ZMYND8: variants seen among roughly 807,000 people sequenced by gnomAD.
ZMYND8 encodes the protein zinc finger MYND-type containing 8.
Under a neutral mutation model 140.8 loss-of-function variants are expected in ZMYND8, and 37 were observed. The ratio of observed to expected loss-of-function variants is 0.26; its 90% confidence interval spans 0.20 to 0.35. The LOEUF is 0.35. Among genes scored for constraint, ZMYND8 ranks in the 10% least tolerant of loss-of-function variants. The probability of loss-of-function intolerance (pLI) is 1.00; values close to 1 mark genes in which losing one functional copy is unlikely to be tolerated. For missense variants in ZMYND8, 1,068 were observed against 1,570.0 expected (o/e 0.68, Z 5.40); for synonymous variants, 592 against 597.1 (o/e 0.99, Z 0.12).
chr20:47,319,426 A>T, intron 2 of ZMYND8: 1 of 222,302 alleles, frequency 4.5e-6, no homozygotes, highest in Non-Finnish European at 9.2e-6. Flanking sequence ...GTTGTTTTTA[A>T]CATTTTTAGT....
At chr20:47,213,943 T>C (rs2035673031) in intron 21 of ZMYND8, among the ~76,000 whole-genome samples, 1 of 152,232 alleles carries the variant, frequency 6.6e-6, no homozygotes, top group Non-Finnish European at 1.5e-5. Flanking sequence ...TGCACTATTT[T>C]ATTCTCTGCA....
intron 2 of ZMYND8, among the ~76,000 whole-genome samples, chr20:47,312,191 T>C (rs1041104257): frequency 2.0e-5 from 3 of 152,172 alleles, no homozygotes; most frequent in Non-Finnish European, 4.4e-5. Context: ...TGTCTCCCTG[T>C]CTGTAGGAGG....
At chr20:47,272,640 A>C (rs959313876) in intron 11 of ZMYND8, among the ~76,000 whole-genome samples, 1 of 152,224 alleles carries the variant, frequency 6.6e-6, no homozygotes, top group African/African-American at 2.4e-5. Context: ...TGAGTTAAAG[A>C]CTTCTGGCTG....
At position 47,224,503 on chromosome 20, in the gene ZMYND8, T is replaced by G; in HGVS notation, c.3070A>C (p.Ile1024Leu). ...QSLEQERDRL[I>L]AEVKKQLELE... The stretch of plus-strand genomic sequence containing the variant: ...TCCAGCTGCTTCTTCACCTCGGCGA[T>G]GAGCCGGTCCCGCTCCTGCTCCAGG... Residue 1024 changes from isoleucine to leucine, a missense_variant, in exon 19 of 23, where the codon ATC becomes CTC. Around this residue, in one of 10 missense-constraint regions of ZMYND8, gnomAD observed 87 missense variants for 151.1 expected, o/e 0.58. Transcript: ENST00000471951. The G allele has an allele frequency of 6.2e-7, 1 of 1,614,202 alleles. No homozygotes were observed. The highest frequency in any genetic ancestry group is 8.5e-7 in the Non-Finnish European group (1 of 1,180,048).
intron 12 of ZMYND8, among the ~76,000 whole-genome samples, chr20:47,249,857 A>C (rs1015530497): frequency 6.6e-6 from 1 of 152,178 alleles, no homozygotes; most frequent in Non-Finnish European, 1.5e-5. Context: ...ATTGAAGAGG[A>C]CTTGTATCCA....
At chr20:47,216,191 T>G (rs534583148) in intron 21 of ZMYND8, among the ~76,000 whole-genome samples, 1 of 151,702 alleles carries the variant, frequency 6.6e-6, no homozygotes, top group South Asian at 2.1e-4. Flanking sequence ...AACAAAAAAC[T>G]TGGGTCACAA....
rs547823208 is a variant in ZMYND8 at position 47,292,096 on chromosome 20, C to T, written c.568-208G>A. On this transcript the variant is annotated intron_variant, in intron 5 of 22. Transcript: ENST00000471951. ...TGATAATTATAAGCCCAATTGTGAT[C>T]CAATTTTATTCTTGGTTTTCAATAC... Among the ~76,000 whole-genome samples, 29 of 152,222 alleles carry T rather than the reference C, an allele frequency of 1.9e-4. No individual in the cohort carries two copies. The South Asian group carries it at 5.6e-3, about 29-fold the overall frequency.
At position 47,305,292 on chromosome 20, in the gene ZMYND8, G is replaced by T. The variant is rs376634429; in HGVS notation, c.234+4764C>A. On this transcript the variant is annotated intron_variant, in intron 3 of 22. Transcript: ENST00000471951. ...GACAGAGTCTCGCTCTGTCACCCAGGCTGGAGTGCAGTGGTGCGATATTGG... is the reference window on the plus strand; with the variant it reads ...GACAGAGTCTCGCTCTGTCACCCAGTCTGGAGTGCAGTGGTGCGATATTGG... 3.3e-5 allele frequency among the ~76,000 whole-genome samples: 5 copies of T among 151,672 alleles called. No homozygotes were observed. In the East Asian group the frequency reaches 9.7e-4, roughly 29 times the overall value.
At chr20:47,288,635 C>T (rs187099985) in intron 7 of ZMYND8, among the ~76,000 whole-genome samples, 4 of 152,146 alleles carry the variant, frequency 2.6e-5, no homozygotes, top group East Asian at 3.9e-4. Context: ...TGAAGTGATC[C>T]GCCCGCCTCA....
intron 2 of ZMYND8, among the ~76,000 whole-genome samples, chr20:47,322,087 C>T (rs993660240): frequency 4.6e-5 from 7 of 152,012 alleles, no homozygotes; most frequent in African/African-American, 1.7e-4. Flanking sequence ...TCTCAAACTC[C>T]AGGGCTCAAG....
At chr20:47,245,372 G>A (rs907147152) in intron 14 of ZMYND8, among the ~76,000 whole-genome samples, 2 of 151,984 alleles carry the variant, frequency 1.3e-5, no homozygotes, top group Non-Finnish European at 2.9e-5. Flanking sequence ...TCCGCCTCAC[G>A]AGTAGCTGGG....
At chr20:47,278,300 G>T in intron 10 of ZMYND8, among the ~76,000 whole-genome samples, 1 of 152,148 alleles carries the variant, frequency 6.6e-6, no homozygotes, top group Non-Finnish European at 1.5e-5. Flanking sequence ...TGGCCTTTTA[G>T]ATTTCACAGA....
intron 21 of ZMYND8, 141 bp downstream of exon 21, chr20:47,220,117 A>ACCCCCCCCCCC: frequency 3.3e-6 from 2 of 607,152 alleles, no homozygotes; most frequent in South Asian, 2.0e-5. Flanking sequence ...ACCCCCACTG[A>ACCCCCCCCCCC]CCCACCCCAG....
At chr20:47,229,671 A>C in intron 17 of ZMYND8, 55 bp downstream of exon 17, 1 of 1,559,246 alleles carries the variant, frequency 6.4e-7, no homozygotes, top group South Asian at 1.1e-5. Context: ...TACCACCTTT[A>C]AAGCAGCCCA....
chr20:47,212,827 T>G, intron 21 of ZMYND8, 102 bp from the exon 22 acceptor site: 1 of 1,036,402 alleles, frequency 9.6e-7, no homozygotes, highest in Non-Finnish European at 1.4e-6. Context: ...CTACTGTTAT[T>G]AGAACCAGTT....
intron 12 of ZMYND8, 126 bp from the exon 13 acceptor site, chr20:47,249,565 G>T: frequency 7.6e-7 from 1 of 1,311,920 alleles, no homozygotes; most frequent in Non-Finnish European, 1.0e-6. Flanking sequence ...TACTTTTTTT[G>T]TCATTCATCC....
At chr20:47,323,031 A>C (rs2080105143) in intron 2 of ZMYND8, among the ~76,000 whole-genome samples, 1 of 152,140 alleles carries the variant, frequency 6.6e-6, no homozygotes, top group Non-Finnish European at 1.5e-5. Flanking sequence ...CAAGTTTCTT[A>C]GCCTCTCTGT....
chr20:47,313,487 TGGCG>T (rs2079120171), intron 2 of ZMYND8, among the ~76,000 whole-genome samples: 2 of 151,802 alleles, frequency 1.3e-5, no homozygotes, highest in Non-Finnish European at 2.9e-5. Flanking sequence ...CCGGGCGTGG[TGGCG>T]GGCGCCTGTA....
chr20:47,258,334 C>T (rs1290099734), intron 12 of ZMYND8, among the ~76,000 whole-genome samples: 1 of 152,254 alleles, frequency 6.6e-6, no homozygotes, highest in Admixed American at 6.5e-5. Flanking sequence ...ACTTGCTTCT[C>T]TGTGCCCCAG....
Sources: allele counts gnomAD v4.1 joint callset (sites outside exome capture counted in the v4.1 genomes callset), GRCh38; gene constraint gnomAD v4.1.1; regional missense constraint gnomAD v4.1.1; transcripts MANE v1.5; gene names NCBI Gene and HGNC (gene_info 2026-07-23, HGNC 2026-07-21).